The following TPX2 variants were observed in gnomAD, a reference collection of about 807,000 sequenced individuals.
TPX2 encodes the protein targeting protein for Xklp2.
A neutral mutation model predicts 93.6 loss-of-function variants in TPX2; 21 were observed. The ratio of observed to expected loss-of-function variants is 0.22; its 90% CI spans 0.16 to 0.32. The LOEUF is 0.32. Among genes scored for constraint, TPX2 ranks in the 10% least tolerant of loss-of-function variants. The pLI is 1.00. For synonymous variants in TPX2, 281 were observed against 298.3 expected, an observed-to-expected ratio of 0.94 and a Z score of 0.60; for missense variants, 776 against 871.1, an observed-to-expected ratio of 0.89 and a Z score of 1.37.
intron 12 of TPX2, among the ~76,000 whole-genome samples, chr20:31,791,370 G>A (rs1455278230): frequency 2.6e-5 from 4 of 152,120 alleles, no homozygotes; most frequent in East Asian, 1.9e-4. Flanking sequence ...TGCAAGCTCC[G>A]CCTCCTGGGT....
intron 6 of TPX2, 25 bp downstream of exon 6, chr20:31,770,496 C>T (rs770267861): frequency 1.9e-6 from 3 of 1,552,044 alleles, no homozygotes; most frequent in African/African-American, 1.4e-5. Flanking sequence ...CTTCTTACTG[C>T]CAAGGGCAGA....
chr20:31,764,056 C>A (rs2061908123), intron 4 of TPX2, among the ~76,000 whole-genome samples: 1 of 151,680 alleles, frequency 6.6e-6, no homozygotes, highest in Non-Finnish European at 1.5e-5. Flanking sequence ...TACACACACA[C>A]ATACACACAT....
rs758609476 is a variant in TPX2 at position 31,757,459 on chromosome 20, T to TG, written c.-17dup. ...AAATACTGGGAAAAACCTGCTCTTC[T>TG]GCGTTAAGTGGGAGACAATGTCACA... On this transcript the variant is annotated 5_prime_UTR_variant, in exon 3 of 18. Coordinates refer to ENST00000300403, the MANE Select transcript of TPX2 (RefSeq NM_012112.5). 1.2e-6 allele frequency: 2 copies of TG among 1,604,336 alleles called. No individual in the cohort carries two copies. The highest frequency in any genetic ancestry group is 4.5e-5 in the East Asian group (2 of 44,752).
At chr20:31,783,979 C>T in intron 12 of TPX2, 58 bp downstream of exon 12, 2 of 1,567,890 alleles carry the variant, frequency 1.3e-6, no homozygotes, top group Non-Finnish European at 1.7e-6. Flanking sequence ...AGATATCCAC[C>T]CATTCACACA....
At chr20:31,760,226 A>C in intron 4 of TPX2, 47 bp downstream of exon 4, 1 of 1,607,470 alleles carries the variant, frequency 6.2e-7, no homozygotes, top group Non-Finnish European at 8.5e-7. Flanking sequence ...ATGGTGGGAC[A>C]GTGTTTTAGA....
chr20:31,769,542 T>C (rs979193826), intron 5 of TPX2, among the ~76,000 whole-genome samples: 9 of 152,202 alleles, frequency 5.9e-5, no homozygotes, highest in Middle Eastern at 3.4e-3. Flanking sequence ...TCCAGGATGG[T>C]CTCGATCTCC....
At chr20:31,759,396 G>GTTTTTTTTTTTT (rs35468756) in intron 3 of TPX2, among the ~76,000 whole-genome samples, 11 of 100,410 alleles carry the variant, frequency 1.1e-4, no homozygotes, top group African/African-American at 2.2e-4. Flanking sequence ...GTTTTCTTTC[G>GTTTTTTTTTTTT]TTTTTTTTTT....
chr20:31,744,546 G>A (rs532981671), intron 2 of TPX2, among the ~76,000 whole-genome samples: 15 of 151,276 alleles, frequency 9.9e-5, no homozygotes, highest in African/African-American at 3.6e-4. Context: ...TTTTTTTTGA[G>A]ACAGGGTCTT....
chr20:31,741,433 T>A (rs2061752457), intron 1 of TPX2, among the ~76,000 whole-genome samples: 1 of 151,924 alleles, frequency 6.6e-6, no homozygotes. Context: ...TACCTCAGTC[T>A]CTTGAGTAGC....
chr20:31,762,158 G>A (rs1464003253), intron 4 of TPX2, among the ~76,000 whole-genome samples: 2 of 152,028 alleles, frequency 1.3e-5, no homozygotes, highest in South Asian at 2.1e-4. Flanking sequence ...TAGTTAGCAC[G>A]TATTTTCTCC....
rs771044872 is a variant in TPX2 at position 31,757,448 on chromosome 20, A to C, written c.-29A>C. 4 of 1,582,104 alleles carry C rather than the reference A, an allele frequency of 2.5e-6. No homozygotes were observed. The South Asian group carries it at 3.3e-5, about 13-fold the overall frequency. On this transcript the variant is annotated 5_prime_UTR_variant, in exon 3 of 18. Transcript: ENST00000300403. ...AAAAGTGGTACAAATACTGGGAAAAACCTGCTCTTCTGCGTTAAGTGGGAG... is the reference window on the plus strand; with the variant it reads ...AAAAGTGGTACAAATACTGGGAAAACCCTGCTCTTCTGCGTTAAGTGGGAG...
At chr20:31,772,589 G>C (rs2061970878) in intron 7 of TPX2, among the ~76,000 whole-genome samples, 1 of 152,122 alleles carries the variant, frequency 6.6e-6, no homozygotes, top group Non-Finnish European at 1.5e-5. Flanking sequence ...CAACCTCCCT[G>C]CTGGATTTTA....
At chr20:31,758,979 A>T (rs2061869726) in intron 3 of TPX2, among the ~76,000 whole-genome samples, 1 of 152,214 alleles carries the variant, frequency 6.6e-6, no homozygotes, top group East Asian at 1.9e-4. Context: ...ATTTTTCCAA[A>T]ACTACCTTAG....
At chr20:31,795,525 G>A (rs778717394) in intron 15 of TPX2, among the ~76,000 whole-genome samples, 2 of 152,286 alleles carry the variant, frequency 1.3e-5, no homozygotes, top group Non-Finnish European at 2.9e-5. Flanking sequence ...AGAGTTTGCT[G>A]ACCCCTGCTC....
chr20:31,777,451 A>C lies in TPX2; in HGVS notation c.731-36A>C, dbSNP rs749245885. On this transcript the variant is annotated intron_variant, in intron 8 of 17. Coordinates refer to ENST00000300403, the MANE Select transcript of TPX2 (RefSeq NM_012112.5). ...GGATTTACTGGTGTTCCCTATCTTAATGTTGTCTGTATGTTTTACTGTGTT... is the reference window on the plus strand; with the variant it reads ...GGATTTACTGGTGTTCCCTATCTTACTGTTGTCTGTATGTTTTACTGTGTT... 4.4e-6 allele frequency: 7 copies of C among 1,601,124 alleles called. No individual in the cohort carries two copies. The South Asian group carries it at 6.7e-5, about 15-fold the overall frequency.
chr20:31,768,328 C>G (rs1398185377), intron 5 of TPX2, among the ~76,000 whole-genome samples: 1 of 151,842 alleles, frequency 6.6e-6, no homozygotes, highest in East Asian at 1.9e-4. Context: ...CTCCGCCTCC[C>G]GGGTTCAAGT....
chr20:31,764,148 G>A (rs1213716827), intron 4 of TPX2, among the ~76,000 whole-genome samples: 2 of 148,818 alleles, frequency 1.3e-5, no homozygotes, highest in African/African-American at 2.5e-5. Context: ...ACATGTATGT[G>A]TACATACATG....
At chr20:31,752,186 C>G (rs1193836227) in intron 2 of TPX2, among the ~76,000 whole-genome samples, 1 of 152,156 alleles carries the variant, frequency 6.6e-6, no homozygotes, top group Non-Finnish European at 1.5e-5. Context: ...TTATTGTTCT[C>G]TTGGCCATCT....
chr20:31,793,509 T>C (rs1357747006), intron 13 of TPX2, among the ~76,000 whole-genome samples: 3 of 152,212 alleles, frequency 2.0e-5, no homozygotes, highest in Non-Finnish European at 2.9e-5. Flanking sequence ...CAGTCACATG[T>C]TTTAATGAAG....
Sources: allele counts gnomAD v4.1 joint callset (sites outside exome capture counted in the v4.1 genomes callset), GRCh38; gene constraint gnomAD v4.1.1; transcripts MANE v1.5; gene names NCBI Gene and HGNC (gene_info 2026-07-23, HGNC 2026-07-21).